The following HS3ST5 variants were observed in gnomAD, a reference collection of about 807,000 sequenced individuals.
The protein encoded by HS3ST5 is heparan sulfate-glucosamine 3-sulfotransferase 5, also known as heparan sulfate glucosamine 3-O-sulfotransferase 5.
In HS3ST5, 10 loss-of-function variants were observed where a neutral mutation model predicts 25.4. That is an observed-to-expected ratio of 0.39 (90% CI 0.24 to 0.67). The LOEUF is 0.67. Among genes scored for constraint, HS3ST5 ranks in the 30% least tolerant of loss-of-function variants. The pLI is 0.44. For missense variants in HS3ST5, 324 were observed against 420.7 expected, an observed-to-expected ratio of 0.77 and a Z score of 2.01; for synonymous variants, 170 against 162.4, an observed-to-expected ratio of 1.05 and a Z score of -0.36.
intron 1 of HS3ST5, among the ~76,000 whole-genome samples, chr6:114,339,874 T>C (rs1262843166): frequency 1.3e-5 from 2 of 152,208 alleles, no homozygotes; most frequent in Non-Finnish European, 2.9e-5. Flanking sequence ...CAGCTCTTTG[T>C]TGACCACCTA....
intron 1 of HS3ST5, among the ~76,000 whole-genome samples, chr6:114,264,535 T>C (rs993478612): frequency 3.9e-5 from 6 of 151,916 alleles, no homozygotes; most frequent in Non-Finnish European, 8.8e-5. Context: ...TGAGGTTGAA[T>C]AGATGTTCAT....
intron 3 of HS3ST5, among the ~76,000 whole-genome samples, chr6:114,098,662 A>G (rs1775572324): frequency 6.6e-6 from 1 of 151,674 alleles, no homozygotes; most frequent in East Asian, 1.9e-4. Flanking sequence ...TTAAGCAGCT[A>G]TATAAACCGT....
chr6:114,270,897 T>C (rs975622954), intron 1 of HS3ST5, among the ~76,000 whole-genome samples: 2 of 151,530 alleles, frequency 1.3e-5, no homozygotes, highest in African/African-American at 4.8e-5. Flanking sequence ...CACAGAAAAG[T>C]GGAGAAAAAA....
At chr6:114,223,991 G>C (rs956360318) in intron 2 of HS3ST5, among the ~76,000 whole-genome samples, 1 of 151,556 alleles carries the variant, frequency 6.6e-6, no homozygotes. Context: ...ACTTATTCAA[G>C]ATCATATACC....
intron 3 of HS3ST5, among the ~76,000 whole-genome samples, chr6:114,152,346 C>T (rs1778496198): frequency 6.6e-6 from 1 of 152,144 alleles, no homozygotes; most frequent in Non-Finnish European, 1.5e-5. Flanking sequence ...TCAGTGTACA[C>T]ATCTATGCTG....
At chr6:114,255,432 G>C (rs1263048159) in intron 1 of HS3ST5, among the ~76,000 whole-genome samples, 1 of 152,162 alleles carries the variant, frequency 6.6e-6, no homozygotes, top group Non-Finnish European at 1.5e-5. Flanking sequence ...ACGGTCAGCT[G>C]TTGGTGGATC....
intron 1 of HS3ST5, among the ~76,000 whole-genome samples, chr6:114,255,430 C>T (rs1004437383): frequency 5.3e-5 from 8 of 152,140 alleles, no homozygotes; most frequent in African/African-American, 1.9e-4. Context: ...GCACGGTCAG[C>T]TGTTGGTGGA....
chr6:114,103,747 G>A (rs1775848935), intron 3 of HS3ST5, among the ~76,000 whole-genome samples: 1 of 142,064 alleles, frequency 7.0e-6, no homozygotes, highest in African/African-American at 2.6e-5. Context: ...CTCCCAGGCT[G>A]GAGTGCAGTG....
chr6:114,173,466 T>C (rs183012138), intron 2 of HS3ST5, among the ~76,000 whole-genome samples: 14 of 152,324 alleles, frequency 9.2e-5, no homozygotes, highest in Middle Eastern at 3.4e-3. Flanking sequence ...AAATTAGTAA[T>C]AAGAGATAAG....
intron 3 of HS3ST5, among the ~76,000 whole-genome samples, chr6:114,163,679 A>G (rs1779079111): frequency 6.6e-6 from 1 of 152,168 alleles, no homozygotes; most frequent in Admixed American, 6.5e-5. Context: ...TGAGCTGTTT[A>G]CTAGGATAAT....
intron 2 of HS3ST5, among the ~76,000 whole-genome samples, chr6:114,227,057 T>C (rs1582736737): frequency 6.6e-6 from 1 of 151,898 alleles, no homozygotes; most frequent in Admixed American, 6.6e-5. Flanking sequence ...ACAATCTTAC[T>C]AGTGAGCACA....
intron 1 of HS3ST5, among the ~76,000 whole-genome samples, chr6:114,298,562 G>A (rs1173852590): frequency 2.0e-5 from 3 of 152,198 alleles, no homozygotes; most frequent in South Asian, 2.1e-4. Context: ...AAACTCATAC[G>A]GCCAAGTGTT....
At chr6:114,072,824 C>G (rs1206155469) in intron 3 of HS3ST5, among the ~76,000 whole-genome samples, 2 of 152,098 alleles carry the variant, frequency 1.3e-5, no homozygotes, top group African/African-American at 4.8e-5. Context: ...AAAAAAGAGC[C>G]CACATAGCCA....
At chr6:114,229,546 G>A (rs771941359) in intron 1 of HS3ST5, among the ~76,000 whole-genome samples, 5 of 152,080 alleles carry the variant, frequency 3.3e-5, no homozygotes, top group Non-Finnish European at 1.5e-5. Flanking sequence ...GCCAACCACC[G>A]CGCCCAGCTC....
chr6:114,183,964 C>T (rs1287145192), intron 2 of HS3ST5, among the ~76,000 whole-genome samples: 1 of 149,956 alleles, frequency 6.7e-6, no homozygotes, highest in Non-Finnish European at 1.5e-5. Flanking sequence ...TGTTCATGTT[C>T]TAGTGCCTTG....
chr6:114,341,842 C>A (rs1276279835), intron 1 of HS3ST5, among the ~76,000 whole-genome samples: 1 of 152,070 alleles, frequency 6.6e-6, no homozygotes, highest in African/African-American at 2.4e-5. Flanking sequence ...TAAACTCTGG[C>A]GAGCGCAGTA....
rs1367535204 is a variant in HS3ST5 at position 114,058,184 on chromosome 6, T to C, written c.114A>G (p.Gln38=). The part of the protein sequence containing the change: ...VARVGSLDRL[Q]PICPIEGRLG... ...GTCGACCTTCAATGGGGCAAATGGG[T>C]TGTAGCCTGCAAGCAAGACAGAGAC... Residue 38 remains glutamine (Q), a synonymous_variant, in exon 5 of 5, where the codon CAA becomes CAG. Transcript: ENST00000312719. The C allele has an allele frequency of 1.0e-5, 16 of 1,599,528 alleles. No homozygotes were observed. The highest frequency in any genetic ancestry group is 1.4e-5 in the Non-Finnish European group (16 of 1,169,370).
At chr6:114,258,932 CATT>C (rs1191274667) in intron 1 of HS3ST5, among the ~76,000 whole-genome samples, 1 of 152,054 alleles carries the variant, frequency 6.6e-6, no homozygotes, top group African/African-American at 2.4e-5. Context: ...GGAAAACAAA[CATT>C]AATACAGAGG....
chr6:114,243,020 G>A (rs1037856380), intron 1 of HS3ST5, among the ~76,000 whole-genome samples: 2 of 152,178 alleles, frequency 1.3e-5, no homozygotes, highest in African/African-American at 2.4e-5. Flanking sequence ...TTTCACTATT[G>A]TGAGAACCTC....
Sources: allele counts gnomAD v4.1 joint callset (sites outside exome capture counted in the v4.1 genomes callset), GRCh38; gene constraint gnomAD v4.1.1; transcripts MANE v1.5; gene names NCBI Gene and HGNC (gene_info 2026-07-23, HGNC 2026-07-21).